Variants in CNTN5 observed in about 807,000 individuals in gnomAD.
CNTN5 encodes the protein contactin 5, also known as contactin-5.
Under a neutral mutation model 129.1 loss-of-function variants are expected in CNTN5, and 77 were observed. That is an observed-to-expected ratio of 0.60 (90% confidence interval 0.50 to 0.72). CNTN5 has a LOEUF of 0.72. Among genes scored for constraint, CNTN5 ranks in the 30% least tolerant of loss-of-function variants. The pLI, the probability that CNTN5 is intolerant of heterozygous loss-of-function variation, is 0.00. For missense variants in CNTN5, 1,478 were observed against 1,328.8 expected (o/e 1.11, Z -1.75); for synonymous variants, 509 against 465.6 (o/e 1.09, Z -1.20).
intron 18 of CNTN5, among the ~76,000 whole-genome samples, chr11:100,279,685 T>C (rs547695657): frequency 6.6e-6 from 1 of 151,982 alleles, no homozygotes; most frequent in East Asian, 1.9e-4. Context: ...ATTTTGCTTA[T>C]TTGTGTACTC....
rs146775687 is a variant in CNTN5 at position 99,709,943 on chromosome 11, T to G, written c.56-109601T>G. Among the ~76,000 whole-genome samples the G allele has an allele frequency of 4.8e-3, 735 of 151,986 alleles. 3 individuals carry two copies. The highest frequency in any genetic ancestry group is 8.9e-3 in the Non-Finnish European group (607 of 67,872). ...TATTTGGTGTTTGAGTTTATATCAGTGATTAAAGTACATTTGTGATTTCTG... is the reference window on the plus strand; with the variant it reads ...TATTTGGTGTTTGAGTTTATATCAGGGATTAAAGTACATTTGTGATTTCTG... On this transcript the variant is annotated intron_variant, in intron 3 of 24. Transcript: ENST00000524871.
chr11:99,133,909 A>G (rs1475535279), intron 1 of CNTN5, among the ~76,000 whole-genome samples: 2 of 152,328 alleles, frequency 1.3e-5, no homozygotes, highest in East Asian at 3.9e-4. Flanking sequence ...ATTAGTGGGT[A>G]TATACGCAAA....
chr11:99,233,623 A>T (rs907488576), intron 1 of CNTN5, among the ~76,000 whole-genome samples: 16 of 152,324 alleles, frequency 1.1e-4, no homozygotes, highest in Admixed American at 4.6e-4. Flanking sequence ...AATAAAATAT[A>T]CATTTAAATT....
At chr11:99,251,856 C>T (rs941470722) in intron 1 of CNTN5, among the ~76,000 whole-genome samples, 2 of 151,858 alleles carry the variant, frequency 1.3e-5, no homozygotes, top group African/African-American at 2.4e-5. Context: ...CTTTTGTGTC[C>T]TGTCGTGAGG....
At chr11:100,263,784 C>A (rs535521298) in intron 17 of CNTN5, among the ~76,000 whole-genome samples, 1 of 152,240 alleles carries the variant, frequency 6.6e-6, no homozygotes, top group Admixed American at 6.5e-5. Flanking sequence ...GATGACCTCA[C>A]CTTCAGATCT....
At chr11:99,703,132 A>G (rs1954594404) in intron 3 of CNTN5, among the ~76,000 whole-genome samples, 1 of 150,544 alleles carries the variant, frequency 6.6e-6, no homozygotes, top group Non-Finnish European at 1.5e-5. Flanking sequence ...AAAAATGTTA[A>G]TGATTGCGTA....
At chr11:99,539,039 T>A (rs1467491480) in intron 2 of CNTN5, among the ~76,000 whole-genome samples, 2 of 152,072 alleles carry the variant, frequency 1.3e-5, no homozygotes, top group East Asian at 3.8e-4. Flanking sequence ...AATGTCTCCA[T>A]GACTTTTCCA....
At chr11:99,383,364 G>A (rs749656822) in intron 2 of CNTN5, among the ~76,000 whole-genome samples, 38 of 152,240 alleles carry the variant, frequency 2.5e-4, no homozygotes, top group Non-Finnish European at 4.6e-4. Context: ...AAAAAGGAAA[G>A]AAATACAAAA....
intron 13 of CNTN5, among the ~76,000 whole-genome samples, chr11:100,190,212 GT>G (rs1048951364): frequency 1.3e-5 from 2 of 152,048 alleles, no homozygotes; most frequent in Admixed American, 1.3e-4. Context: ...GGATTTTAAA[GT>G]TCACAGGGGC....
intron 3 of CNTN5, among the ~76,000 whole-genome samples, chr11:99,624,886 C>T (rs1951074554): frequency 6.6e-6 from 1 of 152,250 alleles, no homozygotes; most frequent in Non-Finnish European, 1.5e-5. Context: ...CCCATCACCC[C>T]TAAAGGGAGA....
intron 13 of CNTN5, among the ~76,000 whole-genome samples, chr11:100,161,865 ACACACAC>A (rs1321236810): frequency 6.1e-5 from 9 of 148,608 alleles, no homozygotes; most frequent in Non-Finnish European, 1.3e-4. Context: ...ACACACACAC[ACACACAC>A]AAAACAAAAA....
At chr11:99,368,399 T>C (rs1244355558) in intron 2 of CNTN5, among the ~76,000 whole-genome samples, 1 of 151,902 alleles carries the variant, frequency 6.6e-6, no homozygotes, top group African/African-American at 2.4e-5. Flanking sequence ...ACCAGCACTT[T>C]GAAAGGCTGA....
Position 100,046,457 on chromosome 11 carries a change from A to G in CNTN5, c.981-14755A>G, listed in dbSNP as rs546192912. ...TTATGATGCATAGATATATATTTTA[A>G]CATACATTCTTTATTTTTCTTCTTT... On this transcript the variant is annotated intron_variant, in intron 9 of 24. Coordinates refer to ENST00000524871, the MANE Select transcript of CNTN5 (RefSeq NM_014361.4). Among the ~76,000 whole-genome samples the G allele has an allele frequency of 1.1e-4, 16 of 152,280 alleles. No individual in the cohort carries two copies. The East Asian group carries it at 2.9e-3, about 28-fold the overall frequency.
At chr11:99,859,407 C>T (rs1948139222) in intron 6 of CNTN5, among the ~76,000 whole-genome samples, 1 of 152,100 alleles carries the variant, frequency 6.6e-6, no homozygotes, top group Admixed American at 6.6e-5. Flanking sequence ...AGGTTTGTTA[C>T]CTGGGTACAT....
At chr11:100,350,645 T>C (rs1952387444) in intron 23 of CNTN5, 57 bp from the exon 24 acceptor site, 1 of 1,311,348 alleles carries the variant, frequency 7.6e-7, no homozygotes. Flanking sequence ...TAGTAGGCAG[T>C]CAATGTGCAT....
intron 7 of CNTN5, among the ~76,000 whole-genome samples, chr11:99,917,251 C>T (rs897449927): frequency 2.6e-5 from 4 of 152,058 alleles, no homozygotes; most frequent in Non-Finnish European, 4.4e-5. Flanking sequence ...TTGTACCACT[C>T]CAATTCCTGT....
chr11:99,674,673 C>T (rs1386695263), intron 3 of CNTN5, among the ~76,000 whole-genome samples: 1 of 152,156 alleles, frequency 6.6e-6, no homozygotes, highest in South Asian at 2.1e-4. Context: ...GCTTACATGT[C>T]TGAGACAAGG....
rs139106391 is a variant in CNTN5, at chr11:99,630,230, ATG to A, written c.55+73971_55+73972del. 7.5e-5 allele frequency among the ~76,000 whole-genome samples: 11 copies of A among 145,904 alleles called. No individual in the cohort carries two copies. The East Asian group carries it at 8.1e-4, about 11-fold the overall frequency. On this transcript the variant is annotated intron_variant, in intron 3 of 24. Coordinates refer to ENST00000524871, the MANE Select transcript of CNTN5 (RefSeq NM_014361.4). ...ATTTCAAAATGTACTTTGCTTATGGATGTGTGTGTGTATATACATATATATAT... is the reference window on the plus strand; with the variant it reads ...ATTTCAAAATGTACTTTGCTTATGGATGTGTGTGTATATACATATATATAT...
intron 2 of CNTN5, among the ~76,000 whole-genome samples, chr11:99,506,996 A>G (rs1946647845): frequency 6.6e-6 from 1 of 152,198 alleles, no homozygotes; most frequent in Non-Finnish European, 1.5e-5. Flanking sequence ...AACATATGAA[A>G]TGATCTAAAT....
Sources: gnomAD v4.1 joint callset for allele counts (sites outside exome capture counted in the v4.1 genomes callset) on GRCh38, gnomAD v4.1.1 for gene constraint, MANE v1.5 for transcripts, NCBI Gene and HGNC (gene_info 2026-07-23, HGNC 2026-07-21) for gene names.